Variants in CLMN observed in about 807,000 individuals in gnomAD.
The protein encoded by CLMN is calmin.
CLMN carries 57 observed loss-of-function variants against 92.7 expected under a neutral mutation model. The ratio of observed to expected loss-of-function variants is 0.61; its 90% CI spans 0.50 to 0.77. The LOEUF is 0.77. Ranked by LOEUF, CLMN falls within the 30% of genes least tolerant of loss-of-function variation. The pLI is 0.00. For synonymous variants in CLMN, 466 were observed against 470.6 expected, an observed-to-expected ratio of 0.99 and a Z score of 0.13; for missense variants, 1,158 against 1,237.5, an observed-to-expected ratio of 0.94 and a Z score of 0.96.
intron 9 of CLMN, among the ~76,000 whole-genome samples, chr14:95,200,208 G>T (rs933597936): frequency 2.6e-5 from 4 of 152,196 alleles, no homozygotes. Context: ...AAACCCCCAT[G>T]CAGCCTTTCT....
At chr14:95,274,238 G>A (rs902130007) in intron 1 of CLMN, among the ~76,000 whole-genome samples, 4 of 151,822 alleles carry the variant, frequency 2.6e-5, no homozygotes, top group Admixed American at 2.6e-4. Context: ...AGATTCCCCC[G>A]TCTCCTCTGG....
At chr14:95,221,143 C>T (rs1441635121) in intron 4 of CLMN, among the ~76,000 whole-genome samples, 2 of 152,082 alleles carry the variant, frequency 1.3e-5, no homozygotes, top group Non-Finnish European at 2.9e-5. Context: ...TAATGAGAGG[C>T]GTGATGAAAC....
chr14:95,242,209 TA>T (rs1323694332), intron 1 of CLMN, among the ~76,000 whole-genome samples: 3 of 151,160 alleles, frequency 2.0e-5, no homozygotes, highest in Non-Finnish European at 4.4e-5. Flanking sequence ...ATTTGAATCC[TA>T]GGGGTGGGGA....
At chr14:95,266,315 A>G (rs923801322) in intron 1 of CLMN, among the ~76,000 whole-genome samples, 17 of 152,174 alleles carry the variant, frequency 1.1e-4, no homozygotes, top group Admixed American at 1.3e-4. Flanking sequence ...AAACCTAAAG[A>G]CTCCACCAAA....
chr14:95,195,122 G>A (rs1381845053), intron 10 of CLMN, among the ~76,000 whole-genome samples: 1 of 152,210 alleles, frequency 6.6e-6, no homozygotes, highest in African/African-American at 2.4e-5. Context: ...AATCACCCCT[G>A]TGGCTGACCT....
chr14:95,237,591 C>T (rs1365718495), intron 1 of CLMN, among the ~76,000 whole-genome samples: 1 of 152,186 alleles, frequency 6.6e-6, no homozygotes, highest in Non-Finnish European at 1.5e-5. Flanking sequence ...AACTTTGCTC[C>T]AGTTTTGTGC....
chr14:95,233,966 C>G (rs570309502), intron 1 of CLMN, among the ~76,000 whole-genome samples: 3 of 152,334 alleles, frequency 2.0e-5, no homozygotes, highest in African/African-American at 4.8e-5. Flanking sequence ...AAATAGCAGA[C>G]AAGTCCCAAA....
At chr14:95,199,830 G>A (rs1049199756) in intron 9 of CLMN, among the ~76,000 whole-genome samples, 1 of 152,150 alleles carries the variant, frequency 6.6e-6, no homozygotes, top group African/African-American at 2.4e-5. Flanking sequence ...CACACCTGGA[G>A]GCAGAGGAGA....
intron 1 of CLMN, among the ~76,000 whole-genome samples, chr14:95,314,034 C>T (rs557179776): frequency 3.3e-5 from 5 of 152,312 alleles, no homozygotes; most frequent in South Asian, 4.1e-4. Context: ...GATTCTGTGG[C>T]GAAACTTCTT....
intron 1 of CLMN, among the ~76,000 whole-genome samples, chr14:95,239,837 T>C (rs1898183858): frequency 6.6e-6 from 1 of 152,254 alleles, no homozygotes; most frequent in Non-Finnish European, 1.5e-5. Flanking sequence ...GAAATAGTCA[T>C]GTGCCATATA....
At chr14:95,260,959 T>C (rs183383164) in intron 1 of CLMN, among the ~76,000 whole-genome samples, 1 of 152,270 alleles carries the variant, frequency 6.6e-6, no homozygotes, top group East Asian at 1.9e-4. Context: ...AACCAATACA[T>C]ACCCTTGACT....
intron 1 of CLMN, among the ~76,000 whole-genome samples, chr14:95,315,890 C>T (rs751326628): frequency 2.6e-5 from 4 of 152,232 alleles, no homozygotes; most frequent in Admixed American, 6.5e-5. Flanking sequence ...CAAGATGCTA[C>T]GTGCTCGACA....
At position 95,257,667 on chromosome 14, in the gene CLMN, AC is replaced by A. The variant is rs1336497282; in HGVS notation, c.83-27535del. On this transcript the variant is annotated intron_variant, in intron 1 of 12. Coordinates refer to ENST00000298912, the MANE Select transcript of CLMN (RefSeq NM_024734.4). The stretch of plus-strand genomic sequence containing the variant: ...TTGCAGCCTGCCTCTTTGCTCTCAC[AC>A]CCCAGCCACGTGGCTATGCGGGGTG... Among the ~76,000 whole-genome samples the A allele has an allele frequency of 4.7e-4, 71 of 152,180 alleles. 1 individual carries two copies. The highest frequency in any genetic ancestry group is 1.7e-3 in the African/African-American group (69 of 41,520).
intron 1 of CLMN, among the ~76,000 whole-genome samples, chr14:95,245,460 C>T (rs900421055): frequency 4.7e-5 from 7 of 148,628 alleles, no homozygotes; most frequent in Non-Finnish European, 7.4e-5. Flanking sequence ...AGTACAGATG[C>T]GTGATGGATG....
chr14:95,313,098 C>T lies in CLMN; in HGVS notation c.82+6613G>A, dbSNP rs568926929. 2.6e-5 allele frequency among the ~76,000 whole-genome samples: 4 copies of T among 152,222 alleles called. No individual in the cohort carries two copies. The South Asian group carries it at 6.2e-4, about 24-fold the overall frequency. ...GCGCATGCCTGTAATCCCAGCTACT[C>T]GAGAGGCTAAAGCAGGAGAATTGCT... On this transcript the variant is annotated intron_variant, in intron 1 of 12. Transcript: ENST00000298912.
rs139071108 is a variant in CLMN, at chr14:95,257,687, C to T, written c.83-27554G>A. Among the ~76,000 whole-genome samples, 144 of 152,310 alleles carry T rather than the reference C, an allele frequency of 9.5e-4. 2 individuals carry two copies. In the East Asian group the frequency reaches 0.024, roughly 25 times the overall value. ...CTCACACCCCAGCCACGTGGCTATG[C>T]GGGGTGCGGAGCTACCATGTTCTAG... is the stretch of plus-strand genomic sequence containing the variant. On this transcript the variant is annotated intron_variant, in intron 1 of 12. Coordinates refer to ENST00000298912, the MANE Select transcript of CLMN (RefSeq NM_024734.4).
chr14:95,221,329 C>T (rs1263215600), intron 4 of CLMN, among the ~76,000 whole-genome samples: 6 of 152,162 alleles, frequency 3.9e-5, no homozygotes, highest in Admixed American at 3.9e-4. Context: ...ATTCTAAGTT[C>T]CAAGAGAAAG....
At chr14:95,224,943 T>C (rs1897665884) in intron 2 of CLMN, among the ~76,000 whole-genome samples, 1 of 152,078 alleles carries the variant, frequency 6.6e-6, no homozygotes, top group Admixed American at 6.5e-5. Context: ...GGAGAGCAGG[T>C]GGCTGGCAGG....
intron 1 of CLMN, among the ~76,000 whole-genome samples, chr14:95,257,625 G>C (rs555482992): frequency 5.4e-4 from 83 of 152,366 alleles, no homozygotes; most frequent in African/African-American, 1.9e-3. Context: ...ACGACAACGT[G>C]TTCAAACTCC....
Sources: allele counts gnomAD v4.1 joint callset (sites outside exome capture counted in the v4.1 genomes callset), GRCh38; gene constraint gnomAD v4.1.1; transcripts MANE v1.5; gene names NCBI Gene and HGNC (gene_info 2026-07-23, HGNC 2026-07-21).